MATN2: variants seen among roughly 807,000 people sequenced by gnomAD.
The protein encoded by MATN2 is matrilin-2.
Under a neutral mutation model 103.2 loss-of-function variants are expected in MATN2, and 69 were observed. The ratio of observed to expected loss-of-function variants is 0.67; its 90% confidence interval spans 0.55 to 0.82. The LOEUF is 0.82. Among genes scored for constraint, MATN2 ranks in the 40% least tolerant of loss-of-function variants. The pLI, the probability that MATN2 is intolerant of heterozygous loss-of-function variation, is 0.00. For synonymous variants in MATN2, 429 were observed against 450.2 expected (o/e 0.95, Z 0.60); for missense variants, 1,023 against 1,211.5 (o/e 0.84, Z 2.31).
intron 2 of MATN2, among the ~76,000 whole-genome samples, 170 bp from the exon 3 acceptor site, chr8:97,930,783 G>A (rs1259407865): frequency 6.6e-6 from 1 of 151,884 alleles, no homozygotes; most frequent in Non-Finnish European, 1.5e-5. Context: ...CACCACACCC[G>A]GCTAATTTTT....
At chr8:98,019,075 C>T (rs150684095) in intron 12 of MATN2, among the ~76,000 whole-genome samples, 245 of 147,808 alleles carry the variant, frequency 1.7e-3, no homozygotes, top group South Asian at 3.8e-3. Context: ...CTTCTATGGT[C>T]TGTTCTATCT....
chr8:97,915,868 G>A (rs1809610348), intron 2 of MATN2, among the ~76,000 whole-genome samples: 1 of 150,816 alleles, frequency 6.6e-6, no homozygotes. Context: ...TTGTGTGTCT[G>A]TGTGTGTGTG....
intron 4 of MATN2, chr8:97,952,309 G>A (rs1306547070): frequency 6.6e-6 from 1 of 152,220 alleles, no homozygotes; most frequent in Non-Finnish European, 1.5e-5. Flanking sequence ...AGTAGAGGGT[G>A]TCTCCTAAAG....
intron 2 of MATN2, among the ~76,000 whole-genome samples, chr8:97,929,106 C>T (rs757319612): frequency 6.6e-6 from 1 of 152,100 alleles, no homozygotes. Flanking sequence ...TATGTCAGAA[C>T]GTTGGTTTCT....
intron 4 of MATN2, among the ~76,000 whole-genome samples, chr8:97,943,081 ATC>A (rs1810622995): frequency 6.6e-6 from 1 of 152,108 alleles, no homozygotes; most frequent in African/African-American, 2.4e-5. Context: ...CCAGTTGAAG[ATC>A]TGACGCTTCC....
At position 98,028,185 on chromosome 8, in the gene MATN2, A is replaced by C. The variant is rs188345955; in HGVS notation, c.2356+356A>C. Among the ~76,000 whole-genome samples the C allele has an allele frequency of 3.3e-5, 5 of 152,340 alleles. No individual in the cohort carries two copies. The East Asian group carries it at 9.6e-4, about 29-fold the overall frequency. On this transcript the variant is annotated intron_variant, in intron 14 of 18. Coordinates refer to ENST00000254898, the MANE Select transcript of MATN2 (RefSeq NM_002380.5). ...GTCGGCTTGCTCTAGAATCAACTGA[A>C]GACTTTGTTAAATTGTTTCTGATGG...
chr8:97,945,511 A>C (rs1348262325), intron 4 of MATN2, among the ~76,000 whole-genome samples: 1 of 151,874 alleles, frequency 6.6e-6, no homozygotes, highest in East Asian at 1.9e-4. Context: ...AACCTTCTCC[A>C]AGCCGGGAAG....
chr8:97,893,561 C>CTTAT (rs57936657), intron 2 of MATN2, among the ~76,000 whole-genome samples: 9,787 of 95,546 alleles, frequency 0.1, 491 homozygotes, highest in East Asian at 0.29. Context: ...CCAGAGTATT[C>CTTAT]TTATTTATTT....
chr8:98,017,984 C>T lies in MATN2; in HGVS notation c.1697-10C>T. On this transcript the variant is annotated splice_polypyrimidine_tract_variant and intron_variant, in intron 11 of 18. Coordinates refer to ENST00000254898, the MANE Select transcript of MATN2 (RefSeq NM_002380.5). Reference sequence around the variant, plus strand: ...GTTGAAATTGTTGTAACTTGCTCTCCTGTCTTCAGGGAAAGATGTCTGCCA... The same window carrying T: ...GTTGAAATTGTTGTAACTTGCTCTCTTGTCTTCAGGGAAAGATGTCTGCCA... The T allele has an allele frequency of 6.2e-7, 1 of 1,612,964 alleles. No homozygotes were observed. The highest frequency in any genetic ancestry group is 8.5e-7 in the Non-Finnish European group (1 of 1,179,360).
intron 5 of MATN2, among the ~76,000 whole-genome samples, chr8:97,965,621 C>T (rs1230945786): frequency 1.3e-5 from 2 of 152,064 alleles, no homozygotes; most frequent in Non-Finnish European, 2.9e-5. Flanking sequence ...ATTGCTTGAG[C>T]CCAGGTGTTC....
intron 13 of MATN2, chr8:98,025,272 G>GCACACACA (rs111241959): frequency 6.7e-6 from 1 of 149,220 alleles, no homozygotes; most frequent in African/African-American, 2.5e-5. Context: ...GCGCACTCAC[G>GCACACACA]CACACACACA....
intron 2 of MATN2, among the ~76,000 whole-genome samples, chr8:97,928,715 G>A (rs991281821): frequency 3.9e-5 from 6 of 152,146 alleles, no homozygotes; most frequent in African/African-American, 1.4e-4. Flanking sequence ...GGAGGGGTGG[G>A]GAGAGCCTGT....
chr8:98,030,329 AAAGG>A, intron 14 of MATN2, 129 bp from the exon 15 acceptor site: 7 of 664,442 alleles, frequency 1.1e-5, no homozygotes, highest in Non-Finnish European at 1.8e-5. Context: ...AGAAAAATAA[AAAGG>A]AAGGTTGGCA....
intron 3 of MATN2, among the ~76,000 whole-genome samples, chr8:97,941,397 T>C (rs1215032361): frequency 6.6e-6 from 1 of 152,180 alleles, no homozygotes; most frequent in African/African-American, 2.4e-5. Flanking sequence ...TCCAGCCCCA[T>C]TGCTGCTTCC....
intron 6 of MATN2, among the ~76,000 whole-genome samples, chr8:97,983,627 C>A (rs977796): frequency 1.3e-5 from 2 of 151,938 alleles, no homozygotes; most frequent in African/African-American, 4.8e-5. Context: ...AAGGCAATTG[C>A]GGACACCATC....
intron 18 of MATN2, among the ~76,000 whole-genome samples, chr8:98,033,926 AAAGT>A (rs1393503564): frequency 6.6e-6 from 1 of 152,148 alleles, no homozygotes; most frequent in Non-Finnish European, 1.5e-5. Flanking sequence ...GTCAGCATAC[AAAGT>A]AAGGAAAAAA....
chr8:98,021,737 TGA>T (rs1208723092), intron 13 of MATN2, among the ~76,000 whole-genome samples: 8 of 150,364 alleles, frequency 5.3e-5, no homozygotes, highest in Non-Finnish European at 1.0e-4. Flanking sequence ...TTTTTTAATC[TGA>T]GAGTAGAGAA....
intron 11 of MATN2, 131 bp from the exon 12 acceptor site, chr8:98,017,863 G>A: frequency 1.1e-6 from 1 of 949,826 alleles, no homozygotes; most frequent in Non-Finnish European, 1.6e-6. Context: ...GTAACTTCCT[G>A]CCCCATGGAC....
chr8:97,942,323 T>G lies in MATN2; in HGVS notation c.835+424T>G, dbSNP rs572075887. 2.0e-5 allele frequency among the ~76,000 whole-genome samples: 3 copies of G among 152,364 alleles called. No individual in the cohort carries two copies. The South Asian group carries it at 6.2e-4, about 32-fold the overall frequency. On this transcript the variant is annotated intron_variant, in intron 4 of 18. Coordinates refer to ENST00000254898, the MANE Select transcript of MATN2 (RefSeq NM_002380.5). ...GTTGTTAACCTCGGCTGGGAGTGAT[T>G]ATTCAAGTTCTGTTTTAGAGGGGTG...
Sources: allele counts gnomAD v4.1 joint callset (sites outside exome capture counted in the v4.1 genomes callset), GRCh38; gene constraint gnomAD v4.1.1; transcripts MANE v1.5; gene names NCBI Gene and HGNC (gene_info 2026-07-23, HGNC 2026-07-21).